Variants in RBFOX3 observed in about 807,000 individuals in gnomAD.
RBFOX3 encodes RNA binding protein fox-1 homolog 3.
RBFOX3 carries 17 observed loss-of-function variants against 48.7 expected under a neutral mutation model. The observed-to-expected ratio is 0.35, with a 90% confidence interval of 0.24 to 0.52. The LOEUF (loss-of-function observed/expected upper bound fraction) is 0.52, where lower values mean the gene tolerates loss of function less well. Among genes scored for constraint, RBFOX3 ranks in the 20% least tolerant of loss-of-function variants. The pLI is 0.94. For synonymous variants in RBFOX3, 212 were observed against 209.5 expected (o/e 1.01, Z -0.10); for missense variants, 382 against 497.5 (o/e 0.77, Z 2.21).
intron 2 of RBFOX3, among the ~76,000 whole-genome samples, chr17:79,432,383 C>T (rs2148897422): frequency 6.6e-6 from 1 of 152,308 alleles, no homozygotes; most frequent in Middle Eastern, 3.4e-3. Context: ...GGAGCTTCAC[C>T]TCTTGGGCCA....
chr17:79,179,626 C>T (rs1463976788), intron 4 of RBFOX3, among the ~76,000 whole-genome samples: 1 of 152,090 alleles, frequency 6.6e-6, no homozygotes, highest in African/African-American at 2.4e-5. Flanking sequence ...ATAAGATTCT[C>T]TTTTATAGGA....
chr17:79,436,701 GGAAGAAA>G (rs2069538737), intron 2 of RBFOX3, among the ~76,000 whole-genome samples: 1 of 152,158 alleles, frequency 6.6e-6, no homozygotes, highest in African/African-American at 2.4e-5. Flanking sequence ...TTTTAAAGGG[GGAAGAAA>G]GAAGAAAGCT....
intron 2 of RBFOX3, among the ~76,000 whole-genome samples, chr17:79,340,575 G>A (rs1315070105): frequency 1.3e-5 from 2 of 152,176 alleles, no homozygotes; most frequent in African/African-American, 2.4e-5. Context: ...TCTGAAAAGC[G>A]ACATGATTTG....
intron 9 of RBFOX3, chr17:79,098,911 GTGAACCCC>G (rs2146370219): frequency 6.6e-6 from 1 of 152,484 alleles, no homozygotes; most frequent in Non-Finnish European, 1.5e-5. Flanking sequence ...CAGGCCATGT[GTGAACCCC>G]TGACCCAGAT....
Position 79,232,819 on chromosome 17 carries a change from C to T in RBFOX3, c.-34+2947G>A, listed in dbSNP as rs944310229. 4.6e-5 allele frequency among the ~76,000 whole-genome samples: 7 copies of T among 152,272 alleles called. 1 individual carries two copies. Among genetic ancestry groups the T allele is most frequent in the South Asian group, 2.1e-4 (1 of 4,826 alleles). On this transcript the variant is annotated intron_variant, in intron 4 of 14. Transcript: ENST00000693108. The stretch of plus-strand genomic sequence containing the variant: ...ATAGATTAAAACCCCAGTGAGCTAC[C>T]GCTACATACCTAGTCAAATGGCTAA...
the RBFOX3 span, among the ~76,000 whole-genome samples, chr17:79,616,679 A>G: frequency 6.6e-6 from 1 of 151,726 alleles, no homozygotes; most frequent in Non-Finnish European, 1.5e-5. Flanking sequence ...CCTTCAGGCC[A>G]CCATCCAAGC....
chr17:79,592,220 T>G (rs917914975), intron 1 of RBFOX3, among the ~76,000 whole-genome samples: 14 of 147,980 alleles, frequency 9.5e-5, no homozygotes, highest in East Asian at 2.0e-4. Context: ...CATGTGTGTG[T>G]GGGGTGTGGA....
rs558339590 is a variant in RBFOX3 at position 79,243,479 on chromosome 17, T to TTGCCCTG, written c.-73-7681_-73-7675dup. Reference sequence around the variant, plus strand: ...TGGGCTTTGCAAAGCCCATGTGCCTTTGCCCTGGGGTGTCATTTGGGACTG... The same window carrying TTGCCCTG: ...TGGGCTTTGCAAAGCCCATGTGCCTTTGCCCTGTGCCCTGGGGTGTCATTTGGGACTG... On this transcript the variant is annotated intron_variant, in intron 3 of 14. Coordinates refer to ENST00000693108, the MANE Select transcript of RBFOX3 (RefSeq NM_001350451.2). The surrounding 1 kb of genome is among the most constrained non-coding windows in gnomAD (Gnocchi z 7.9). 6.1e-3 allele frequency among the ~76,000 whole-genome samples: 931 copies of TTGCCCTG among 152,274 alleles called. 7 individuals are homozygous for TTGCCCTG. Among genetic ancestry groups the TTGCCCTG allele is most frequent in the Middle Eastern group, 0.014 (4 of 294 alleles).
intron 1 of RBFOX3, among the ~76,000 whole-genome samples, chr17:79,523,592 G>T (rs1370472441): frequency 1.3e-5 from 2 of 152,298 alleles, no homozygotes; most frequent in East Asian, 3.9e-4. Flanking sequence ...CCACCAAAGA[G>T]AGGATGTGAT....
chr17:79,331,744 G>A (rs369164365), intron 2 of RBFOX3, among the ~76,000 whole-genome samples: 3 of 152,194 alleles, frequency 2.0e-5, no homozygotes, highest in Non-Finnish European at 4.4e-5. Context: ...TGGCCTGCCC[G>A]CTGTTAACAC....
chr17:79,174,957 G>C (rs2050217367), intron 4 of RBFOX3, among the ~76,000 whole-genome samples: 1 of 152,208 alleles, frequency 6.6e-6, no homozygotes, highest in Non-Finnish European at 1.5e-5. Flanking sequence ...TCCTTCCCCT[G>C]CTTGCAGGCC....
At chr17:79,416,736 C>T (rs79664081) in intron 2 of RBFOX3, among the ~76,000 whole-genome samples, 3,049 of 152,330 alleles carry the variant, frequency 0.02, 70 homozygotes, top group Middle Eastern at 0.051. Context: ...CTATCTGCCT[C>T]GATTGCTGAC....
intron 4 of RBFOX3, among the ~76,000 whole-genome samples, chr17:79,131,176 G>A (rs1173638309): frequency 2.0e-5 from 3 of 151,838 alleles, no homozygotes; most frequent in Non-Finnish European, 2.9e-5. Context: ...CATGTGCTGC[G>A]TGTGCTGTAT....
intron 2 of RBFOX3, among the ~76,000 whole-genome samples, chr17:79,413,846 C>G (rs1369336745): frequency 6.6e-6 from 1 of 152,216 alleles, no homozygotes; most frequent in Non-Finnish European, 1.5e-5. Flanking sequence ...GCCATCCCAT[C>G]TGCACCTCAG....
chr17:79,435,451 T>A lies in RBFOX3; in HGVS notation c.-175+47003A>T, dbSNP rs150529400. ...TGTCCCCATGCAGGATCTGCCGCTG[T>A]GTGGCACCCCTTGATCCTGGTTCCT... On this transcript the variant is annotated intron_variant, in intron 2 of 14. Coordinates refer to ENST00000693108, the MANE Select transcript of RBFOX3 (RefSeq NM_001350451.2). 6.7e-3 allele frequency among the ~76,000 whole-genome samples: 1,028 copies of A among 152,362 alleles called. 6 individuals are homozygous for A. The highest frequency in any genetic ancestry group is 7.3e-3 in the Non-Finnish European group (496 of 68,026).
chr17:79,511,343 C>A (rs1214323168), intron 1 of RBFOX3, among the ~76,000 whole-genome samples: 1 of 152,156 alleles, frequency 6.6e-6, no homozygotes, highest in Non-Finnish European at 1.5e-5. Flanking sequence ...TAAACTACCC[C>A]CTTTTCAGTG....
chr17:79,262,691 T>C (rs2065985040), intron 3 of RBFOX3, among the ~76,000 whole-genome samples: 1 of 152,104 alleles, frequency 6.6e-6, no homozygotes, highest in South Asian at 2.1e-4. Context: ...GAGCTACGGA[T>C]CTGTGGCTGC....
intron 2 of RBFOX3, among the ~76,000 whole-genome samples, chr17:79,470,058 C>T (rs2149366554): frequency 6.6e-6 from 1 of 152,294 alleles, no homozygotes; most frequent in Admixed American, 6.5e-5. Flanking sequence ...CTGCAGACCA[C>T]AGGTGCCTTG....
chr17:79,559,925 G>T (rs891293862), intron 1 of RBFOX3, among the ~76,000 whole-genome samples: 13 of 147,898 alleles, frequency 8.8e-5, no homozygotes, highest in African/African-American at 3.3e-4. Context: ...TGAATAGATG[G>T]GTGGGTGGGT....
Sources: gnomAD v4.1 joint callset for allele counts (sites outside exome capture counted in the v4.1 genomes callset) on GRCh38, gnomAD v4.1.1 for gene constraint, Gnocchi (gnomAD v3.1) non-coding constraint, MANE v1.5 for transcripts, NCBI Gene and HGNC (gene_info 2026-07-23, HGNC 2026-07-21) for gene names.